Variants in NCKAP5L observed in about 807,000 individuals in gnomAD.
NCKAP5L encodes the protein nck-associated protein 5-like.
Under a neutral mutation model 103.2 loss-of-function variants are expected in NCKAP5L, and 54 were observed. That is an observed-to-expected ratio of 0.52 (90% CI 0.42 to 0.66). The LOEUF (loss-of-function observed/expected upper bound fraction) is 0.66, where lower values mean the gene tolerates loss of function less well. Ranked by LOEUF, NCKAP5L falls within the 30% of genes least tolerant of loss-of-function variation. The pLI is 0.00. For missense variants in NCKAP5L, 1,733 were observed against 1,750.6 expected (o/e 0.99, Z 0.18); for synonymous variants, 762 against 748.6 (o/e 1.02, Z -0.29).
rs1178541454 is a variant in NCKAP5L at position 49,792,730 on chromosome 12, A to G, written c.3597T>C (p.Pro1199=). 30 of 1,610,168 alleles carry G rather than the reference A, an allele frequency of 1.9e-5. No homozygotes were observed. The highest frequency in any genetic ancestry group is 2.4e-5 in the Non-Finnish European group (28 of 1,178,866). ...GGCCCGGAGCAGCGGGTAGCAGTGCAGGGAAGGCTGGCATGCTGGGGTGCC... is the reference window on the plus strand; with the variant it reads ...GGCCCGGAGCAGCGGGTAGCAGTGCGGGGAAGGCTGGCATGCTGGGGTGCC... ...SGRHPSMPAF[P]ALLPAAPGHR... The change falls in exon 11 of 13, where the codon CCT becomes CCC. Residue 1199 remains proline (P), a synonymous_variant. Coordinates refer to ENST00000335999, the MANE Select transcript of NCKAP5L (RefSeq NM_001037806.4). This position sits in a 1 kb window ranked among gnomAD's most constrained non-coding sequence, Gnocchi z 4.5.
Position 49,795,923 on chromosome 12 carries a change from C to T in NCKAP5L, c.1937G>A (p.Ser646Asn). Reference sequence around the variant, plus strand: ...CCCAGGTCGCCGTCCTGACCCCTGGCTGGGCTTCTTGGATGAGTTGCCTGG... The same window carrying T: ...CCCAGGTCGCCGTCCTGACCCCTGGTTGGGCTTCTTGGATGAGTTGCCTGG... The part of the protein sequence containing the change: ...RTPGNSSKKP[S>N]QGSGRRPGDP... The change falls in exon 8 of 13, where the codon AGC (serine) becomes AAC (asparagine). Residue 646 changes from serine (S) to asparagine (N), a missense_variant. Physicochemically the swap from Ser to Asn is conservative, Grantham distance 46. Transcript: ENST00000335999. 1 of 1,527,868 alleles carries T rather than the reference C, an allele frequency of 6.5e-7. No individual in the cohort carries two copies. Among genetic ancestry groups the T allele is most frequent in the Non-Finnish European group, 8.7e-7 (1 of 1,144,732 alleles). The allele number at this position is 1,527,868 out of a possible 1,614,324, so 94.6% of individuals were successfully genotyped here. A position where few individuals can be genotyped will look rare whatever the true frequency, so the allele number is the denominator to read the frequency against.
Position 49,791,577 on chromosome 12 carries a change from C to T in NCKAP5L, c.*262G>A, listed in dbSNP as rs1230155894. 3 of 377,792 alleles carry T rather than the reference C, an allele frequency of 7.9e-6. No individual in the cohort carries two copies. Among genetic ancestry groups the T allele is most frequent in the Non-Finnish European group, 1.4e-5 (3 of 210,772 alleles). The allele number at this position is 377,792 out of a possible 1,614,324, so 23.4% of individuals were successfully genotyped here. On this transcript the variant is annotated 3_prime_UTR_variant, in exon 13 of 13. Coordinates refer to ENST00000335999, the MANE Select transcript of NCKAP5L (RefSeq NM_001037806.4). ...GGGCTGCGACACAGTGGCCTTTAACCCCCAGTCCCTTCCAGGAAGAGCCTT... is the reference window on the plus strand; with the variant it reads ...GGGCTGCGACACAGTGGCCTTTAACTCCCAGTCCCTTCCAGGAAGAGCCTT...
At position 49,796,901 on chromosome 12, in the gene NCKAP5L, G is replaced by A; in HGVS notation, c.959C>T (p.Ala320Val). 4 of 1,610,730 alleles carry A rather than the reference G, an allele frequency of 2.5e-6. No individual in the cohort carries two copies. The highest frequency in any genetic ancestry group is 1.7e-6 in the Non-Finnish European group (2 of 1,178,936). ...CAGGTTCAACTGTCTGCGGGCCAGG[G>A]CACCGAGCAGGGTGTCGGGGCTGGG... ...EAPSPDTLLG[A>V]LARRQLNLGQ... Residue 320 changes from alanine (A) to valine (V), a missense_variant, in exon 8 of 13, where the codon GCC becomes GTC. Transcript: ENST00000335999.
chr12:49,795,633 G>T lies in NCKAP5L; in HGVS notation c.2227C>A (p.Leu743Ile), dbSNP rs770151695. Residue 743 changes from leucine (L) to isoleucine (I), a missense_variant, in exon 8 of 13, where the codon CTT (leucine) becomes ATT (isoleucine). Leu to Ile is a conservative substitution (Grantham distance 5, BLOSUM62 2). Coordinates refer to ENST00000335999, the MANE Select transcript of NCKAP5L (RefSeq NM_001037806.4). ...ACTCGGGCCCCGGGATCCCCCATAA[G>T]TCCAGGTTCCTGCTGCTTCAGGCTG... ...TNSLKQQEPG[L>I]MGDPGARVYS... 3.7e-6 allele frequency: 6 copies of T among 1,610,096 alleles called. 1 individual carries two copies. In the South Asian group the frequency reaches 5.5e-5, roughly 15 times the overall value.
chr12:49,803,391 G>T (rs927689236), intron 3 of NCKAP5L, among the ~76,000 whole-genome samples: 1 of 152,186 alleles, frequency 6.6e-6, no homozygotes, highest in African/African-American at 2.4e-5. Flanking sequence ...CCCGACCTCA[G>T]TCAGTGGCAA....
At chr12:49,793,467 C>T (rs759187644) in intron 9 of NCKAP5L, 34 bp from the exon 10 acceptor site, 3 of 1,594,986 alleles carry the variant, frequency 1.9e-6, no homozygotes, top group South Asian at 1.1e-5. Flanking sequence ...ATAGTCCACT[C>T]CTCCCCCCTC....
chr12:49,827,764 C>G (rs545789873), intron 1 of NCKAP5L, among the ~76,000 whole-genome samples: 5 of 152,220 alleles, frequency 3.3e-5, no homozygotes. Flanking sequence ...AGGGGCTGTT[C>G]TCTAGGAGAC....
chr12:49,819,031 TAAAA>T (rs528968275), intron 1 of NCKAP5L, among the ~76,000 whole-genome samples: 1 of 122,366 alleles, frequency 8.2e-6, no homozygotes, highest in African/African-American at 3.0e-5. Flanking sequence ...ACCTTGTATT[TAAAA>T]AAAAAAAAAA....
intron 6 of NCKAP5L, among the ~76,000 whole-genome samples, chr12:49,799,814 G>A (rs1946099055): frequency 1.3e-5 from 2 of 152,170 alleles, no homozygotes; most frequent in Non-Finnish European, 2.9e-5. Context: ...ACAGCTTGCT[G>A]CTCTCTGGGC....
chr12:49,826,871 G>A (rs1004026709), intron 1 of NCKAP5L, among the ~76,000 whole-genome samples: 5 of 152,110 alleles, frequency 3.3e-5, no homozygotes, highest in Admixed American at 1.3e-4. Context: ...CACTCTCTTC[G>A]TGAGGGCCAG....
chr12:49,807,316 AAAGG>A (rs966278611), intron 1 of NCKAP5L, among the ~76,000 whole-genome samples: 3 of 152,066 alleles, frequency 2.0e-5, no homozygotes, highest in Non-Finnish European at 4.4e-5. Context: ...ACTTGGAGGA[AAAGG>A]AAGACCTGTT....
chr12:49,813,590 C>T (rs1442355655), intron 1 of NCKAP5L, among the ~76,000 whole-genome samples: 3 of 152,078 alleles, frequency 2.0e-5, no homozygotes, highest in Admixed American at 6.6e-5. Flanking sequence ...TGCAGTGGCG[C>T]GATTTCAGCT....
At chr12:49,802,865 G>T in intron 5 of NCKAP5L, 93 bp downstream of exon 5, 1 of 1,414,882 alleles carries the variant, frequency 7.1e-7, no homozygotes, top group South Asian at 1.3e-5. Flanking sequence ...ATCACTGGAG[G>T]GCAACAGCCC....
At chr12:49,815,277 C>T (rs1223029351) in intron 1 of NCKAP5L, among the ~76,000 whole-genome samples, 1 of 152,154 alleles carries the variant, frequency 6.6e-6, no homozygotes, top group Non-Finnish European at 1.5e-5. Flanking sequence ...TACTATGGTG[C>T]TCTAAAACAT....
Position 49,792,179 on chromosome 12 carries a change from G to T in NCKAP5L, c.3793-128C>A. On this transcript the variant is annotated intron_variant, in intron 12 of 12. Transcript: ENST00000335999. The surrounding 1 kb of genome is among the most constrained non-coding windows in gnomAD (Gnocchi z 4.5). ...TGCTCCAGAGGGGGCCCAAGGTGGG[G>T]TATACTTCAGAGGAAACAGGCTGGA... 9.5e-7 allele frequency: 1 copy of T among 1,048,714 alleles called. No individual in the cohort carries two copies. The highest frequency in any genetic ancestry group is 1.4e-6 in the Non-Finnish European group (1 of 720,686). The allele number at this position is 1,048,714 out of a possible 1,614,324, so 65.0% of individuals were successfully genotyped here.
chr12:49,794,255 C>G (rs1945988257), intron 8 of NCKAP5L, among the ~76,000 whole-genome samples: 1 of 152,200 alleles, frequency 6.6e-6, no homozygotes, highest in Non-Finnish European at 1.5e-5. Context: ...CTGAGCACAC[C>G]TGCGGTCCAA....
intron 6 of NCKAP5L, among the ~76,000 whole-genome samples, chr12:49,801,446 C>T (rs1054765038): frequency 2.0e-5 from 3 of 152,166 alleles, no homozygotes; most frequent in Non-Finnish European, 2.9e-5. Flanking sequence ...TTATCAGAAC[C>T]GAAATGTCTT....
chr12:49,816,502 A>AC (rs1469186734), intron 1 of NCKAP5L, among the ~76,000 whole-genome samples: 9 of 150,302 alleles, frequency 6.0e-5, no homozygotes, highest in African/African-American at 1.7e-4. Context: ...TCTCAAAAAA[A>AC]AAAAAAAAAA....
rs1946008575 is a variant in NCKAP5L, at chr12:49,794,961, T to C, written c.2899A>G (p.Asn967Asp). 6.3e-7 allele frequency: 1 copy of C among 1,587,020 alleles called. No individual in the cohort carries two copies. The highest frequency in any genetic ancestry group is 8.6e-7 in the Non-Finnish European group (1 of 1,167,438). The change falls in exon 8 of 13, where the codon AAC becomes GAC. Residue 967 changes from asparagine to aspartate, a missense_variant. Transcript: ENST00000335999. ...GCCTTGGCCATCAGCTTGGAGATGT[T>C]GAGGCTCTCGGCCTCCAGCTTCCGG... ...EARKLEAESL[N>D]ISKLMAKAED...
Sources: allele counts gnomAD v4.1 joint callset (sites outside exome capture counted in the v4.1 genomes callset), GRCh38; gene constraint gnomAD v4.1.1; non-coding constraint Gnocchi (gnomAD v3.1); transcripts MANE v1.5; gene names NCBI Gene and HGNC (gene_info 2026-07-23, HGNC 2026-07-21).